Variants in DMTF1 observed in about 807,000 individuals in gnomAD.
DMTF1 encodes the protein cyclin-D-binding Myb-like transcription factor 1.
A neutral mutation model predicts 91.1 loss-of-function variants in DMTF1; 39 were observed. That is an observed-to-expected ratio of 0.43 (90% confidence interval 0.33 to 0.56). The LOEUF (loss-of-function observed/expected upper bound fraction) is 0.56, where lower values mean the gene tolerates loss of function less well. DMTF1 is among the 20% of genes least tolerant of loss of function. The pLI, the probability that DMTF1 is intolerant of heterozygous loss-of-function variation, is 0.05. For synonymous variants in DMTF1, 338 were observed against 309.5 expected, an observed-to-expected ratio of 1.09 and a Z score of -0.97; for missense variants, 750 against 914.5, an observed-to-expected ratio of 0.82 and a Z score of 2.32.
chr7:87,193,936 T>A lies in DMTF1; in HGVS notation c.1862T>A (p.Met621Lys). The change falls in exon 16 of 18, where the codon ATG (methionine) becomes AAG (lysine). Residue 621 changes from methionine (M) to lysine (K), a missense_variant. Physicochemically the swap from Met to Lys is moderately conservative, Grantham distance 95 (BLOSUM62 -1). Around this residue, in one of 3 missense-constraint regions of DMTF1, gnomAD observed 410 missense variants for 420.2 expected, o/e 0.98. Transcript: ENST00000331242. The part of the protein sequence containing the change: ...TFPDEIHHPK[M>K]TVEPSFNDAH... ...CCAGATGAAATTCATCACCCTAAGATGACTGTGGAGCCATCATTTAATGAT... is the reference window on the plus strand; with the variant it reads ...CCAGATGAAATTCATCACCCTAAGAAGACTGTGGAGCCATCATTTAATGAT... The A allele has an allele frequency of 6.2e-7, 1 of 1,613,372 alleles. No individual in the cohort carries two copies. Among genetic ancestry groups the A allele is most frequent in the Non-Finnish European group, 8.5e-7 (1 of 1,179,626 alleles).
At chr7:87,180,595 A>G (rs1207587886) in intron 8 of DMTF1, among the ~76,000 whole-genome samples, 1 of 152,170 alleles carries the variant, frequency 6.6e-6, no homozygotes, top group Non-Finnish European at 1.5e-5. Flanking sequence ...TAATTTGTTC[A>G]GTGCTTTGAG....
intron 11 of DMTF1, 60 bp from the exon 12 acceptor site, chr7:87,185,769 G>A (rs961069586): frequency 1.9e-6 from 3 of 1,582,054 alleles, no homozygotes; most frequent in African/African-American, 1.3e-5. Flanking sequence ...TGTAGTCAGA[G>A]GAGGGGTTCT....
chr7:87,191,612 A>C (rs1799789501), intron 14 of DMTF1, among the ~76,000 whole-genome samples: 1 of 152,178 alleles, frequency 6.6e-6, no homozygotes, highest in Non-Finnish European at 1.5e-5. Context: ...TCAGCAATGA[A>C]ATACTGAAAC....
chr7:87,188,061 A>C, intron 12 of DMTF1, 31 bp from the exon 13 acceptor site: 1 of 1,579,522 alleles, frequency 6.3e-7, no homozygotes, highest in Non-Finnish European at 8.7e-7. Flanking sequence ...CGGAGAATCA[A>C]TGTTCTTTTT....
chr7:87,187,628 C>CAGG (rs1428456451), intron 12 of DMTF1: 1 of 161,142 alleles, frequency 6.2e-6, no homozygotes, highest in African/African-American at 2.4e-5. Context: ...GGCTTCCCTG[C>CAGG]GCAAGAATAC....
rs576200867 is a variant in DMTF1, at chr7:87,165,131, A to G, written c.109+81A>G. Reference sequence around the variant, plus strand: ...CACTTTTGACCCCTATTGCCCAAATAGGGGTCTAGGTGCCTATGAGTTTAG... The same window carrying G: ...CACTTTTGACCCCTATTGCCCAAATGGGGGTCTAGGTGCCTATGAGTTTAG... On this transcript the variant is annotated intron_variant, in intron 3 of 17. Transcript: ENST00000331242. The G allele has an allele frequency of 4.6e-6, 4 of 875,314 alleles. No individual in the cohort carries two copies. In the East Asian group the frequency reaches 7.9e-5, roughly 17 times the overall value. The allele number at this position is 875,314 out of a possible 1,614,324, so 54.2% of individuals were successfully genotyped here. A position where few individuals can be genotyped will look rare whatever the true frequency, so the allele number is the denominator to read the frequency against.
chr7:87,194,859 G>C, intron 17 of DMTF1, 31 bp downstream of exon 17: 1 of 1,574,970 alleles, frequency 6.3e-7, no homozygotes, highest in Middle Eastern at 1.7e-4. Context: ...CTATGTGCCT[G>C]ATAAATTTTA....
chr7:87,183,825 T>C (rs1174143975), intron 10 of DMTF1, among the ~76,000 whole-genome samples: 1 of 152,188 alleles, frequency 6.6e-6, no homozygotes, highest in East Asian at 1.9e-4. Flanking sequence ...GGAATAAAAG[T>C]AAATACTTGT....
In DMTF1 at chr7:87,195,321, T is replaced by TTGAG. The variant is rs1801030015; in HGVS notation, c.*183_*186dup. The TTGAG allele has an allele frequency of 1.7e-5, 9 of 524,660 alleles. No homozygotes were observed. Among genetic ancestry groups the TTGAG allele is most frequent in the Admixed American group, 1.4e-4 (4 of 28,828 alleles). 32.5% of individuals were successfully genotyped at this position (524,660 alleles called of 1,614,324 possible). ...CCTCCTTTAAACACATCATCTGAGG[T>TTGAG]TGAGTTTTATGACAGTATGTAGTTG... On this transcript the variant is annotated 3_prime_UTR_variant, in exon 18 of 18. Coordinates refer to ENST00000331242, the MANE Select transcript of DMTF1 (RefSeq NM_001142327.2).
At chr7:87,169,201 A>G (rs1562800435) in intron 4 of DMTF1, among the ~76,000 whole-genome samples, 1 of 152,324 alleles carries the variant, frequency 6.6e-6, no homozygotes, top group East Asian at 1.9e-4. Context: ...GCTCATGCCT[A>G]TAATCCCAGC....
chr7:87,193,408 T>C, intron 15 of DMTF1, 55 bp downstream of exon 15: 1 of 1,572,282 alleles, frequency 6.4e-7, no homozygotes, highest in Non-Finnish European at 8.7e-7. Flanking sequence ...CAGGATTAGT[T>C]GATAAGGACC....
Position 87,164,971 on chromosome 7 carries a change from A to G in DMTF1, c.30A>G (p.Thr10=). The G allele has an allele frequency of 6.2e-7, 1 of 1,609,604 alleles. No individual in the cohort carries two copies. The highest frequency in any genetic ancestry group is 1.1e-5 in the South Asian group (1 of 90,230). Residue 10 remains threonine (T), a synonymous_variant, in exon 3 of 18, where the codon ACA becomes ACG. Coordinates refer to ENST00000331242, the MANE Select transcript of DMTF1 (RefSeq NM_001142327.2). MSTVEEDSD[T]VTVETVNSVT... ...GCACAGTGGAAGAGGATTCTGACAC[A>G]GTAACAGTAGAAACTGTGAACTCTG...
chr7:87,167,346 C>T (rs1794061305), intron 4 of DMTF1, among the ~76,000 whole-genome samples: 1 of 152,192 alleles, frequency 6.6e-6, no homozygotes, highest in Non-Finnish European at 1.5e-5. Flanking sequence ...ATACCAACTG[C>T]AACATTAGGT....
In DMTF1 at chr7:87,170,814, T is replaced by G. The variant is rs532055274; in HGVS notation, c.233-181T>G. 4.6e-5 allele frequency among the ~76,000 whole-genome samples: 7 copies of G among 152,292 alleles called. No homozygotes were observed. The East Asian group carries it at 1.3e-3, about 29-fold the overall frequency. On this transcript the variant is annotated intron_variant, in intron 4 of 17. Coordinates refer to ENST00000331242, the MANE Select transcript of DMTF1 (RefSeq NM_001142327.2). ...TATATCCCCAGCACCCACAGCAATA[T>G]CTACTATGAATTAGGTGCACATTAA...
intron 10 of DMTF1, 142 bp downstream of exon 10, chr7:87,182,479 T>G (rs1185991265): frequency 5.4e-6 from 4 of 737,284 alleles, no homozygotes; most frequent in Non-Finnish European, 8.9e-6. Flanking sequence ...TTCCTTTTCC[T>G]TGAGCTTATT....
At position 87,185,913 on chromosome 7, in the gene DMTF1, A is replaced by G; in HGVS notation, c.1134A>G (p.Gln378=). 6.2e-7 allele frequency: 1 copy of G among 1,613,988 alleles called. No homozygotes were observed. The highest frequency in any genetic ancestry group is 8.5e-7 in the Non-Finnish European group (1 of 1,179,882). The stretch of plus-strand genomic sequence containing the variant: ...GATGGAGTAGTGTCCGTTCACCACA[A>G]TGGCTACGAAGTAAATGGTGGACCA... The part of the protein sequence containing the change: ...AEGWSSVRSP[Q]WLRSKWWTIK... Residue 378 remains glutamine (Q), a synonymous_variant, in exon 12 of 18, where the codon CAA becomes CAG. Coordinates refer to ENST00000331242, the MANE Select transcript of DMTF1 (RefSeq NM_001142327.2).
intron 13 of DMTF1, 125 bp from the exon 14 acceptor site, chr7:87,190,820 G>C: frequency 1.5e-6 from 1 of 674,542 alleles, no homozygotes; most frequent in South Asian, 2.2e-5. Flanking sequence ...ATGACTTCAG[G>C]TCTCCAGGCA....
intron 17 of DMTF1, 56 bp downstream of exon 17, chr7:87,194,884 G>A (rs2129209205): frequency 6.5e-7 from 1 of 1,536,692 alleles, no homozygotes; most frequent in East Asian, 2.3e-5. Flanking sequence ...GAAAAAAACA[G>A]ACATTTAATT....
Position 87,184,634 on chromosome 7 carries a change from C to A in DMTF1, c.1049+9C>A, listed in dbSNP as rs962775781. 3.7e-6 allele frequency: 6 copies of A among 1,609,870 alleles called. No homozygotes were observed. The highest frequency in any genetic ancestry group is 5.1e-6 in the Non-Finnish European group (6 of 1,176,666). On this transcript the variant is annotated intron_variant, in intron 11 of 17. Transcript: ENST00000331242. Reference sequence around the variant, plus strand: ...ATCAATCTCATCCTCAGGTTTGTGTCCTGAATCTTGTAATGACAAAAGCAA... The same window carrying A: ...ATCAATCTCATCCTCAGGTTTGTGTACTGAATCTTGTAATGACAAAAGCAA...
Sources: allele counts gnomAD v4.1 joint callset (sites outside exome capture counted in the v4.1 genomes callset), GRCh38; gene constraint gnomAD v4.1.1; regional missense constraint gnomAD v4.1.1; transcripts MANE v1.5; gene names NCBI Gene and HGNC (gene_info 2026-07-23, HGNC 2026-07-21).